The following KAZN variants were observed in gnomAD, a reference collection of about 807,000 sequenced individuals.
KAZN encodes kazrin, periplakin interacting protein.
In KAZN, 40 loss-of-function variants were observed where a neutral mutation model predicts 87.4. The ratio of observed to expected loss-of-function variants is 0.46; its 90% CI spans 0.36 to 0.60. The LOEUF (loss-of-function observed/expected upper bound fraction) is 0.60, where lower values mean the gene tolerates loss of function less well. Among genes scored for constraint, KAZN ranks in the 20% least tolerant of loss-of-function variants. The pLI, the probability that KAZN is intolerant of heterozygous loss-of-function variation, is 0.00. For missense variants in KAZN, 898 were observed against 1,073.9 expected (o/e 0.84, Z 2.29); for synonymous variants, 466 against 458.3 (o/e 1.02, Z -0.22).
At chr1:14,367,202 C>T (rs1434039172) in intron 2 of KAZN, among the ~76,000 whole-genome samples, 1 of 152,130 alleles carries the variant, frequency 6.6e-6, no homozygotes, top group African/African-American at 2.4e-5. Context: ...GCACTCCAGC[C>T]GAGGTGACAG....
At chr1:13,934,553 G>T (rs374209182) in intron 1 of KAZN, among the ~76,000 whole-genome samples, 124 of 152,302 alleles carry the variant, frequency 8.1e-4, no homozygotes, top group African/African-American at 2.9e-3. Context: ...GTGGAGAACA[G>T]GTTCTCTCTC....
chr1:14,767,573 C>T (rs1644917688), intron 1 of KAZN, among the ~76,000 whole-genome samples: 1 of 152,188 alleles, frequency 6.6e-6, no homozygotes, highest in African/African-American at 2.4e-5. Context: ...GCCAAAATAC[C>T]ATCCCTAGGT....
chr1:14,919,406 A>C (rs1430997007), intron 1 of KAZN, among the ~76,000 whole-genome samples: 1 of 152,162 alleles, frequency 6.6e-6, no homozygotes, highest in East Asian at 1.9e-4. Flanking sequence ...CGAACGCCTG[A>C]CCTCAGGCGA....
chr1:14,209,529 A>G (rs973122701), intron 2 of KAZN, among the ~76,000 whole-genome samples: 1 of 152,172 alleles, frequency 6.6e-6, no homozygotes, highest in Non-Finnish European at 1.5e-5. Flanking sequence ...TTTTATAGAG[A>G]TAAGGATTAT....
intron 1 of KAZN, among the ~76,000 whole-genome samples, chr1:14,797,433 G>A (rs1234311617): frequency 1.3e-5 from 2 of 152,178 alleles, no homozygotes; most frequent in Non-Finnish European, 2.9e-5. Flanking sequence ...GTGGGAACCT[G>A]GAAGCCGTTC....
intron 1 of KAZN, among the ~76,000 whole-genome samples, chr1:14,945,496 C>A (rs950467013): frequency 2.0e-5 from 3 of 152,170 alleles, no homozygotes; most frequent in African/African-American, 7.2e-5. Flanking sequence ...CTTCTGGAAG[C>A]CCTAGCAGTC....
intron 1 of KAZN, among the ~76,000 whole-genome samples, chr1:14,160,571 C>T (rs1413526983): frequency 2.0e-5 from 3 of 152,142 alleles, no homozygotes; most frequent in African/African-American, 7.2e-5. Context: ...GAGTGCTCAC[C>T]TGAGTTTTGG....
At chr1:14,534,471 C>A (rs1419711404) in intron 2 of KAZN, among the ~76,000 whole-genome samples, 1 of 152,070 alleles carries the variant, frequency 6.6e-6, no homozygotes, top group Non-Finnish European at 1.5e-5. Context: ...ATGGCGAAAC[C>A]CCATCTCTAC....
intron 14 of KAZN, chr1:15,113,506 C>G (rs528277064): frequency 1.3e-5 from 2 of 152,268 alleles, no homozygotes; most frequent in East Asian, 1.9e-4. Flanking sequence ...TAAATAGTTA[C>G]AAAGCACTAA....
chr1:14,838,875 G>A (rs1310132850), intron 1 of KAZN, among the ~76,000 whole-genome samples: 1 of 152,038 alleles, frequency 6.6e-6, no homozygotes, highest in Non-Finnish European at 1.5e-5. Context: ...GCCCACTTTG[G>A]CCTCCCCAGA....
intron 2 of KAZN, among the ~76,000 whole-genome samples, chr1:14,304,942 GTTTT>G (rs35013885): frequency 2.8e-5 from 4 of 144,526 alleles, no homozygotes; most frequent in African/African-American, 1.0e-4. Flanking sequence ...GCCAAAGCTA[GTTTT>G]TTTTTTTTTT....
At chr1:14,872,454 G>A (rs1222944666) in intron 1 of KAZN, among the ~76,000 whole-genome samples, 1 of 152,196 alleles carries the variant, frequency 6.6e-6, no homozygotes, top group Non-Finnish European at 1.5e-5. Context: ...ATTGTACAGT[G>A]CAGTTTTAGA....
chr1:14,921,492 C>T (rs550620923), intron 1 of KAZN, among the ~76,000 whole-genome samples: 1 of 152,240 alleles, frequency 6.6e-6, no homozygotes, highest in Non-Finnish European at 1.5e-5. Context: ...ATCCATATTC[C>T]TAGTAGTTCT....
intron 1 of KAZN, among the ~76,000 whole-genome samples, chr1:14,731,281 T>G (rs1344265531): frequency 3.3e-5 from 5 of 152,210 alleles, no homozygotes; most frequent in African/African-American, 1.2e-4. Context: ...GCACCCATTT[T>G]CCCATCTGTT....
At chr1:14,774,792 A>G (rs1320654854) in intron 1 of KAZN, among the ~76,000 whole-genome samples, 1 of 147,792 alleles carries the variant, frequency 6.8e-6, no homozygotes, top group African/African-American at 2.6e-5. Flanking sequence ...GCCCTTGAGC[A>G]GATTTTTTTA....
At chr1:14,203,822 A>T (rs529966950) in intron 2 of KAZN, among the ~76,000 whole-genome samples, 1 of 152,208 alleles carries the variant, frequency 6.6e-6, no homozygotes, top group East Asian at 1.9e-4. Flanking sequence ...CTTTCAGTAC[A>T]ATCCATTTAT....
chr1:15,076,812 C>T (rs1203097090), intron 8 of KAZN, among the ~76,000 whole-genome samples: 4 of 152,234 alleles, frequency 2.6e-5, no homozygotes, highest in Non-Finnish European at 4.4e-5. Context: ...GCTGGAATTA[C>T]GGTCACCACC....
chr1:15,089,732 C>CAAAAAAAAAAAA (rs56260619), intron 8 of KAZN, among the ~76,000 whole-genome samples: 2 of 68,916 alleles, frequency 2.9e-5, no homozygotes, highest in South Asian at 4.6e-4. Context: ...CTTTTATTGG[C>CAAAAAAAAAAAA]AAAAAAAAAA....
chr1:14,411,962 G>A (rs1350167500), intron 2 of KAZN, among the ~76,000 whole-genome samples: 7 of 152,186 alleles, frequency 4.6e-5, no homozygotes, highest in Non-Finnish European at 1.0e-4. Flanking sequence ...TGTCATTCTG[G>A]TCATTGCCCC....
Sources: gnomAD v4.1 joint callset for allele counts (sites outside exome capture counted in the v4.1 genomes callset) on GRCh38, gnomAD v4.1.1 for gene constraint, MANE v1.5 for transcripts, NCBI Gene and HGNC (gene_info 2026-07-23, HGNC 2026-07-21) for gene names.